Variants in RPAP3 observed in about 807,000 individuals in gnomAD.
The protein encoded by RPAP3 is RNA polymerase II-associated protein 3.
A neutral mutation model predicts 88.8 loss-of-function variants in RPAP3; 58 were observed. The observed-to-expected ratio is 0.65, with a 90% CI of 0.53 to 0.81. RPAP3 has a LOEUF of 0.81. Ranked by LOEUF, RPAP3 falls within the 40% of genes least tolerant of loss-of-function variation. The pLI, the probability that RPAP3 is intolerant of heterozygous loss-of-function variation, is 0.00. For missense variants in RPAP3, 751 were observed against 764.3 expected, an observed-to-expected ratio of 0.98 and a Z score of 0.20; for synonymous variants, 255 against 259.9, an observed-to-expected ratio of 0.98 and a Z score of 0.18.
At chr12:47,680,010 T>A (rs1939192642) in intron 10 of RPAP3, among the ~76,000 whole-genome samples, 1 of 152,168 alleles carries the variant, frequency 6.6e-6, no homozygotes, top group Non-Finnish European at 1.5e-5. Context: ...GTGATAAAAC[T>A]GAGGCCCCTA....
chr12:47,667,751 TACTC>T lies in RPAP3; in HGVS notation c.1810_1811+2del, dbSNP rs777845864. 3 of 1,570,724 alleles carry T rather than the reference TACTC, an allele frequency of 1.9e-6. No individual in the cohort carries two copies. The highest frequency in any genetic ancestry group is 1.2e-5 in the South Asian group (1 of 85,048). On this transcript the variant is annotated splice_donor_variant and coding_sequence_variant, in exon 15 of 17. Coordinates refer to ENST00000005386, the MANE Select transcript of RPAP3 (RefSeq NM_024604.3). LOFTEE classifies it high-confidence loss of function. ...CTGTATAACTAAAAAAAACTTGACT[TACTC>T]AATGTAAAAGTCATGCAGAATTTTA...
At chr12:47,675,949 T>C in intron 12 of RPAP3, among the ~76,000 whole-genome samples, 1 of 152,214 alleles carries the variant, frequency 6.6e-6, no homozygotes, top group East Asian at 1.9e-4. Flanking sequence ...TACATTCTTC[T>C]CAGCACCACA....
At chr12:47,667,668 C>T (rs1938908612) in intron 15 of RPAP3, 86 bp downstream of exon 15, 1 of 698,278 alleles carries the variant, frequency 1.4e-6, no homozygotes, top group South Asian at 2.0e-5. Context: ...ATGTCTTAAT[C>T]ATTTTAATTA....
intron 16 of RPAP3, among the ~76,000 whole-genome samples, chr12:47,665,631 T>A (rs539647037): frequency 6.6e-5 from 10 of 150,586 alleles, no homozygotes; most frequent in East Asian, 3.9e-4. Flanking sequence ...TAATATATAT[T>A]TTTTTATTTT....
intron 12 of RPAP3, among the ~76,000 whole-genome samples, chr12:47,678,379 G>C (rs1256727747): frequency 6.6e-6 from 1 of 152,076 alleles, no homozygotes; most frequent in Non-Finnish European, 1.5e-5. Flanking sequence ...CAATGGCAAT[G>C]AAAGCCATAA....
At chr12:47,690,673 A>C (rs1233976008) in intron 5 of RPAP3, 34 bp from the exon 6 acceptor site, 1 of 1,358,512 alleles carries the variant, frequency 7.4e-7, no homozygotes, top group East Asian at 2.6e-5. Flanking sequence ...AAATAAAGTT[A>C]ATAAAACTAA....
chr12:47,662,933 T>C lies in RPAP3; in HGVS notation c.*572A>G, dbSNP rs1938789563. The C allele has an allele frequency of 6.6e-6, 1 of 152,284 alleles. No homozygotes were observed. The highest frequency in any genetic ancestry group is 6.5e-5 in the Admixed American group (1 of 15,284). 9.4% of individuals were successfully genotyped at this position (152,284 alleles called of 1,614,324 possible). ...TCTTAAGGGAAAAAACCCTATGGCA[T>C]TAAAATGTAAGAATACTGTGATACT... On this transcript the variant is annotated 3_prime_UTR_variant, in exon 17 of 17. Transcript: ENST00000005386.
intron 13 of RPAP3, 101 bp from the exon 14 acceptor site, chr12:47,669,203 T>C: frequency 1.5e-6 from 1 of 689,036 alleles, no homozygotes; most frequent in South Asian, 2.1e-5. Context: ...ACTATTAATA[T>C]TGTATTATCT....
Position 47,661,821 on chromosome 12 carries a change from T to C in RPAP3, c.*1684A>G, listed in dbSNP as rs1001969594. ...GAACATTAACCCTCTGAGCCTCCTT[T>C]TCTTATGTTAAGAATGACAATAACA... On this transcript the variant is annotated 3_prime_UTR_variant, in exon 17 of 17. Coordinates refer to ENST00000005386, the MANE Select transcript of RPAP3 (RefSeq NM_024604.3). The C allele has an allele frequency of 3.3e-5, 5 of 152,236 alleles. No individual in the cohort carries two copies. The highest frequency in any genetic ancestry group is 1.2e-4 in the African/African-American group (5 of 41,464). 9.4% of individuals were successfully genotyped at this position (152,236 alleles called of 1,614,324 possible).
At chr12:47,682,443 G>A (rs1592476578) in intron 9 of RPAP3, among the ~76,000 whole-genome samples, 1 of 152,034 alleles carries the variant, frequency 6.6e-6, no homozygotes, top group African/African-American at 2.4e-5. Context: ...TATATTAATA[G>A]GACATTAATG....
chr12:47,671,357 A>C (rs1010925570), intron 12 of RPAP3, among the ~76,000 whole-genome samples: 1 of 152,212 alleles, frequency 6.6e-6, no homozygotes, highest in Non-Finnish European at 1.5e-5. Context: ...TTTAGAAAAG[A>C]GAAGAAAACT....
chr12:47,670,388 G>T (rs1938971909), intron 12 of RPAP3, 43 bp from the exon 13 acceptor site: 6 of 1,202,590 alleles, frequency 5.0e-6, no homozygotes, highest in Non-Finnish European at 7.1e-6. Flanking sequence ...AATATTAAAG[G>T]TTTCCTATTT....
At chr12:47,681,399 C>T (rs922956334) in intron 10 of RPAP3, among the ~76,000 whole-genome samples, 2 of 152,164 alleles carry the variant, frequency 1.3e-5, no homozygotes, top group Admixed American at 6.6e-5. Context: ...CCTTTCCATT[C>T]TGGTCTTTTT....
chr12:47,672,494 C>T (rs1031921502), intron 12 of RPAP3, among the ~76,000 whole-genome samples: 6 of 152,164 alleles, frequency 3.9e-5, no homozygotes, highest in Admixed American at 6.5e-5. Flanking sequence ...TCTCAATTTA[C>T]GGAGAAAAAG....
At chr12:47,697,866 A>AT in intron 3 of RPAP3, 147 bp from the exon 4 acceptor site, 1 of 703,080 alleles carries the variant, frequency 1.4e-6, no homozygotes, top group Non-Finnish European at 2.2e-6. Flanking sequence ...CAAATCTCTC[A>AT]TTGTTAAGAT....
At chr12:47,688,214 A>C (rs1331439132) in intron 7 of RPAP3, among the ~76,000 whole-genome samples, 1 of 152,218 alleles carries the variant, frequency 6.6e-6, no homozygotes, top group African/African-American at 2.4e-5. Flanking sequence ...TCTCATTTCA[A>C]TTAAAATTAG....
At chr12:47,700,626 G>A (rs1335473534) in intron 3 of RPAP3, among the ~76,000 whole-genome samples, 2 of 152,186 alleles carry the variant, frequency 1.3e-5, no homozygotes, top group Non-Finnish European at 2.9e-5. Context: ...AGGCTGACAC[G>A]ACAGTGGCTG....
Position 47,689,667 on chromosome 12 carries a change from C to A in RPAP3, c.668-472G>T, listed in dbSNP as rs893540509. ...CCACTGAACTTTCTTCTTCTCCCCC[C>A]AGGGCAGACAAAATCCTATGACAAA... On this transcript the variant is annotated intron_variant, in intron 6 of 16. Transcript: ENST00000005386. Among the ~76,000 whole-genome samples the A allele has an allele frequency of 4.6e-5, 7 of 151,218 alleles. No individual in the cohort carries two copies. The East Asian group carries it at 9.7e-4, about 21-fold the overall frequency.
At chr12:47,664,362 C>T (rs1217546040) in intron 16 of RPAP3, among the ~76,000 whole-genome samples, 1 of 152,116 alleles carries the variant, frequency 6.6e-6, no homozygotes, top group Non-Finnish European at 1.5e-5. Flanking sequence ...TGCACTCCAG[C>T]CTGGGCGACA....
Sources: gnomAD v4.1 joint callset for allele counts (sites outside exome capture counted in the v4.1 genomes callset) on GRCh38, gnomAD v4.1.1 for gene constraint, MANE v1.5 for transcripts, NCBI Gene and HGNC (gene_info 2026-07-23, HGNC 2026-07-21) for gene names.